CSMD3: variants seen among roughly 807,000 people sequenced by gnomAD.
CSMD3 encodes CUB and sushi domain-containing protein 3.
Under a neutral mutation model 435.2 loss-of-function variants are expected in CSMD3, and 177 were observed. The observed-to-expected ratio is 0.41, with a 90% CI of 0.36 to 0.46. The LOEUF (loss-of-function observed/expected upper bound fraction) is 0.46, where lower values mean the gene tolerates loss of function less well. Among genes scored for constraint, CSMD3 ranks in the 20% least tolerant of loss-of-function variants. The pLI is 0.34. For synonymous variants in CSMD3, 1,656 were observed against 1,520.5 expected, an observed-to-expected ratio of 1.09 and a Z score of -2.07; for missense variants, 4,265 against 4,504.6, an observed-to-expected ratio of 0.95 and a Z score of 1.52.
At chr8:112,521,284 T>C (rs1190317643) in intron 27 of CSMD3, among the ~76,000 whole-genome samples, 1 of 151,966 alleles carries the variant, frequency 6.6e-6, no homozygotes, top group African/African-American at 2.4e-5. Flanking sequence ...TATACAATTG[T>C]CTCCAGTTTT....
intron 13 of CSMD3, among the ~76,000 whole-genome samples, chr8:112,798,471 G>C (rs1396563177): frequency 6.6e-6 from 1 of 151,800 alleles, no homozygotes; most frequent in Non-Finnish European, 1.5e-5. Flanking sequence ...CCAGTCTAAG[G>C]AAAAGGAGGG....
chr8:113,009,147 G>A (rs1378289068), intron 6 of CSMD3, among the ~76,000 whole-genome samples: 2 of 151,662 alleles, frequency 1.3e-5, no homozygotes, highest in Non-Finnish European at 2.9e-5. Context: ...CTCTGCAAAG[G>A]AGTCTAGAAC....
rs75226005 is a variant in CSMD3, at chr8:113,338,250, T to C, written c.179-23457A>G. Among the ~76,000 whole-genome samples, 1,463 of 152,044 alleles carry C rather than the reference T, an allele frequency of 9.6e-3. 22 individuals carry two copies. The highest frequency in any genetic ancestry group is 0.031 in the African/African-American group (1,291 of 41,536). On this transcript the variant is annotated intron_variant, in intron 1 of 70. Coordinates refer to ENST00000297405, the MANE Select transcript of CSMD3 (RefSeq NM_198123.2). Reference sequence around the variant, plus strand: ...CACTAGATAACCATTAGAACATCTATAATTGTTGTCAAAGATATGATAGAA... The same window carrying C: ...CACTAGATAACCATTAGAACATCTACAATTGTTGTCAAAGATATGATAGAA...
At chr8:112,313,613 T>C (rs2130827913) in intron 49 of CSMD3, among the ~76,000 whole-genome samples, 1 of 152,228 alleles carries the variant, frequency 6.6e-6, no homozygotes, top group African/African-American at 2.4e-5. Context: ...TTAGGATTTT[T>C]TAGTCATAAA....
At chr8:112,590,956 T>G (rs1586750059) in intron 22 of CSMD3, among the ~76,000 whole-genome samples, 1 of 152,104 alleles carries the variant, frequency 6.6e-6, no homozygotes, top group African/African-American at 2.4e-5. Flanking sequence ...AATGTAAAGC[T>G]ATTAATAGGT....
intron 18 of CSMD3, 70 bp downstream of exon 18, chr8:112,656,084 G>T (rs2131659821): frequency 1.2e-6 from 1 of 841,670 alleles, no homozygotes; most frequent in Non-Finnish European, 2.0e-6. Flanking sequence ...AGTTCCATTA[G>T]TAAAACTATA....
chr8:113,391,365 G>T (rs1563774914), intron 1 of CSMD3, among the ~76,000 whole-genome samples: 1 of 151,956 alleles, frequency 6.6e-6, no homozygotes, highest in South Asian at 2.1e-4. Context: ...AATATGTGTA[G>T]ATGCTCCTGT....
intron 3 of CSMD3, among the ~76,000 whole-genome samples, chr8:113,259,671 T>C (rs2093411352): frequency 1.3e-5 from 2 of 151,878 alleles, no homozygotes; most frequent in Non-Finnish European, 1.5e-5. Flanking sequence ...AATAAAGATA[T>C]ATAAGGAGAA....
At chr8:113,263,573 T>TC (rs2093444297) in intron 3 of CSMD3, among the ~76,000 whole-genome samples, 2 of 151,864 alleles carry the variant, frequency 1.3e-5, no homozygotes, top group South Asian at 4.1e-4. Context: ...AAAATTATAC[T>TC]CCCCCTCAAC....
intron 34 of CSMD3, among the ~76,000 whole-genome samples, chr8:112,408,114 C>CA (rs1832020004): frequency 6.6e-6 from 1 of 151,804 alleles, no homozygotes; most frequent in Non-Finnish European, 1.5e-5. Flanking sequence ...GAAAATCAGA[C>CA]ATTTAAACTG....
At chr8:113,067,001 G>A (rs933195963) in intron 5 of CSMD3, among the ~76,000 whole-genome samples, 8 of 152,028 alleles carry the variant, frequency 5.3e-5, no homozygotes, top group African/African-American at 1.9e-4. Context: ...AAAACCTGAA[G>A]AATCATTTTT....
intron 4 of CSMD3, among the ~76,000 whole-genome samples, chr8:113,124,901 T>A (rs1387258229): frequency 6.6e-6 from 1 of 152,004 alleles, no homozygotes; most frequent in Non-Finnish European, 1.5e-5. Context: ...ATTCTATAAG[T>A]ATACCCAGAG....
At position 112,976,218 on chromosome 8, in the gene CSMD3, T is replaced by C; in HGVS notation, c.1031-70A>G. The C allele has an allele frequency of 4.6e-6, 7 of 1,510,094 alleles. No individual in the cohort carries two copies. In the South Asian group the frequency reaches 8.1e-5, roughly 17 times the overall value. 93.5% of individuals were successfully genotyped at this position (1,510,094 alleles called of 1,614,324 possible). A position where few individuals can be genotyped will look rare whatever the true frequency, so the allele number is the denominator to read the frequency against. ...TTTTGTTTATTTTTTCTGATAAATT[T>C]AATCAATCATATTCTCTTCTATTAC... On this transcript the variant is annotated intron_variant, in intron 6 of 70. Transcript: ENST00000297405.
At chr8:112,558,173 C>G (rs187063589) in intron 24 of CSMD3, among the ~76,000 whole-genome samples, 2 of 151,924 alleles carry the variant, frequency 1.3e-5, no homozygotes, top group Admixed American at 6.6e-5. Context: ...GCCACTTTCT[C>G]TCTCCCAAAG....
chr8:113,342,588 G>T (rs1370425462), intron 1 of CSMD3, among the ~76,000 whole-genome samples: 1 of 152,080 alleles, frequency 6.6e-6, no homozygotes, highest in Admixed American at 6.6e-5. Context: ...CCCTAGACGT[G>T]ACTCAACTCG....
chr8:112,586,944 G>T, intron 23 of CSMD3, 122 bp downstream of exon 23: 1 of 563,934 alleles, frequency 1.8e-6, no homozygotes, highest in African/African-American at 1.9e-5. Context: ...GTGAATGGTA[G>T]AATCAACTTA....
chr8:112,292,695 T>C lies in CSMD3; in HGVS notation c.8630A>G (p.His2877Arg), dbSNP rs764270180. The C allele has an allele frequency of 6.2e-7, 1 of 1,613,680 alleles. No individual in the cohort carries two copies. Among genetic ancestry groups the C allele is most frequent in the South Asian group, 1.1e-5 (1 of 91,080 alleles). ...TCTTCCATAAATTGGACTACCAGGGTGACCACAGCTAACAGCTAATAAGAT... is the reference window on the plus strand; with the variant it reads ...TCTTCCATAAATTGGACTACCAGGGCGACCACAGCTAACAGCTAATAAGAT... ...LPSCVPVSCG[H>R]PGSPIYGRTS... is the part of the protein sequence containing the mutation. The change falls in exon 55 of 71, where the codon CAC becomes CGC. Residue 2877 changes from histidine to arginine, a missense_variant. By Grantham distance (29) the His-to-Arg change is conservative. Around this residue, in one of 3 missense-constraint regions of CSMD3, gnomAD observed 3,255 missense variants for 3,380.2 expected, o/e 0.96. Transcript: ENST00000297405.
intron 40 of CSMD3, among the ~76,000 whole-genome samples, chr8:112,347,325 T>C (rs1219246525): frequency 1.3e-5 from 2 of 152,190 alleles, no homozygotes; most frequent in Non-Finnish European, 2.9e-5. Context: ...TATTGTTAGA[T>C]GAAGAATCAA....
chr8:113,141,578 AT>A (rs375218467), intron 4 of CSMD3, among the ~76,000 whole-genome samples: 1 of 151,178 alleles, frequency 6.6e-6, no homozygotes, highest in East Asian at 1.9e-4. Context: ...AATGATAAAA[AT>A]TTTATACCTA....
Sources: allele counts gnomAD v4.1 joint callset (sites outside exome capture counted in the v4.1 genomes callset), GRCh38; gene constraint gnomAD v4.1.1; regional missense constraint gnomAD v4.1.1; transcripts MANE v1.5; gene names NCBI Gene and HGNC (gene_info 2026-07-23, HGNC 2026-07-21).